Variants in CCDC150 observed in about 807,000 individuals in gnomAD.
CCDC150 encodes the protein coiled-coil domain containing 150, also known as coiled-coil domain-containing protein 150.
In CCDC150, 151 loss-of-function variants were observed where a neutral mutation model predicts 156.5. That is an observed-to-expected ratio of 0.97 (90% confidence interval 0.85 to 1.10). The LOEUF (loss-of-function observed/expected upper bound fraction) is 1.10, where lower values mean the gene tolerates loss of function less well. Ranked by LOEUF, CCDC150 falls within the 50% of genes least tolerant of loss-of-function variation. CCDC150 has a pLI of 0.00. For synonymous variants in CCDC150, 452 were observed against 429.4 expected, an observed-to-expected ratio of 1.05 and a Z score of -0.65; for missense variants, 1,312 against 1,268.1, an observed-to-expected ratio of 1.03 and a Z score of -0.53.
At chr2:196,695,766 AG>A (rs1236964304) in intron 14 of CCDC150, among the ~76,000 whole-genome samples, 4 of 150,668 alleles carry the variant, frequency 2.7e-5, no homozygotes, top group African/African-American at 9.8e-5. Flanking sequence ...AGCCAAGATC[AG>A]GCCACTGCAC....
Position 196,732,521 on chromosome 2 carries a change from C to T in CCDC150, c.3265C>T (p.Pro1089Ser), listed in dbSNP as rs772057889. 1.9e-6 allele frequency: 3 copies of T among 1,613,456 alleles called. No homozygotes were observed. The highest frequency in any genetic ancestry group is 2.5e-6 in the Non-Finnish European group (3 of 1,179,492). Residue 1089 changes from proline (P) to serine (S), a missense_variant, in exon 28 of 28, where the codon CCC becomes TCC. Transcript: ENST00000389175. ...ATGGGAGAGAAAACAGAATCTTAGG[C>T]CCATGCCCAAGAAGTATCATTCTGA... ...HRWERKQNLR[P>S]MPKKYHSEVQ...
rs1399473849 is a variant in CCDC150 at position 196,719,512 on chromosome 2, C to T, written c.2011C>T (p.Arg671Ter). Residue 671 changes from arginine (R) to a stop codon, truncating the protein, a stop_gained, in exon 19 of 28, where the codon CGA (arginine) becomes TGA (stop). Transcript: ENST00000389175. LOFTEE classifies it high-confidence loss of function. ...TTTCTGTTAGGTGGGAAACTTTCAG[C>T]GACAATTGGCAGAAGCTAAAGAAGA... ...RENKKVGNFQ[R>*]QLAEAKEDNC... 4.4e-6 allele frequency: 7 copies of T among 1,608,900 alleles called. No individual in the cohort carries two copies. Among genetic ancestry groups the T allele is most frequent in the African/African-American group, 2.7e-5 (2 of 74,562 alleles).
intron 5 of CCDC150, 150 bp downstream of exon 5, chr2:196,659,010 G>T: frequency 1.7e-6 from 1 of 604,042 alleles, no homozygotes. Context: ...GAATTCAAGT[G>T]AAAGTGCCTG....
chr2:196,702,336 T>C (rs1235224592), intron 15 of CCDC150, among the ~76,000 whole-genome samples: 1 of 128,232 alleles, frequency 7.8e-6, no homozygotes, highest in Admixed American at 8.6e-5. Flanking sequence ...GTTCCTTGAC[T>C]GAAGTGCTGT....
chr2:196,645,773 G>A (rs1028073863), intron 1 of CCDC150, among the ~76,000 whole-genome samples: 4 of 152,284 alleles, frequency 2.6e-5, no homozygotes, highest in African/African-American at 9.6e-5. Context: ...TTAAAATGCT[G>A]CTTCAATGCA....
At chr2:196,731,563 T>C (rs1244439609) in intron 26 of CCDC150, among the ~76,000 whole-genome samples, 1 of 151,416 alleles carries the variant, frequency 6.6e-6, no homozygotes, top group African/African-American at 2.4e-5. Flanking sequence ...CCAGCTAATT[T>C]TTGGTAGAGA....
chr2:196,679,670 T>C (rs1030331488), intron 13 of CCDC150, among the ~76,000 whole-genome samples: 1 of 152,248 alleles, frequency 6.6e-6, no homozygotes, highest in African/African-American at 2.4e-5. Context: ...AAATGTATGT[T>C]TAGCATAATA....
At chr2:196,702,619 C>T (rs1198581131) in intron 15 of CCDC150, among the ~76,000 whole-genome samples, 1 of 151,810 alleles carries the variant, frequency 6.6e-6, no homozygotes, top group Non-Finnish European at 1.5e-5. Flanking sequence ...AATCTGCCTG[C>T]CTTGGCCACC....
At chr2:196,726,149 G>A (rs752792329) in intron 22 of CCDC150, 50 bp downstream of exon 22, 1 of 1,599,528 alleles carries the variant, frequency 6.3e-7, no homozygotes, top group Non-Finnish European at 8.5e-7. Context: ...CTTAGGATAA[G>A]CAGCTCAAGG....
At chr2:196,670,652 C>T (rs1054274545) in intron 8 of CCDC150, among the ~76,000 whole-genome samples, 1 of 150,828 alleles carries the variant, frequency 6.6e-6, no homozygotes, top group African/African-American at 2.4e-5. Flanking sequence ...TTTAAAAGAT[C>T]CTTGAATGTG....
chr2:196,720,427 A>G (rs893915131), intron 19 of CCDC150, 148 bp from the exon 20 acceptor site: 1 of 618,398 alleles, frequency 1.6e-6, no homozygotes, highest in Non-Finnish European at 2.8e-6. Flanking sequence ...TAAAGGCAAT[A>G]TATTTTGTAC....
At chr2:196,646,544 T>C in intron 2 of CCDC150, 40 bp downstream of exon 2, 1 of 1,532,120 alleles carries the variant, frequency 6.5e-7, no homozygotes, top group Non-Finnish European at 9.0e-7. Context: ...TTGAAGAATT[T>C]TGCTTCACTG....
intron 16 of CCDC150, 147 bp downstream of exon 16, chr2:196,712,399 C>T: frequency 5.2e-6 from 3 of 572,136 alleles, no homozygotes; most frequent in Non-Finnish European, 9.3e-6. Context: ...TTTTCAAGCA[C>T]CTAGTACATA....
intron 15 of CCDC150, among the ~76,000 whole-genome samples, chr2:196,710,042 A>G (rs1696987724): frequency 6.6e-6 from 1 of 152,248 alleles, no homozygotes; most frequent in South Asian, 2.1e-4. Context: ...TGCTCTCTTC[A>G]GAGCTGTCAG....
intron 11 of CCDC150, 67 bp downstream of exon 11, chr2:196,676,334 C>A: frequency 6.4e-7 from 1 of 1,557,004 alleles, no homozygotes; most frequent in South Asian, 1.2e-5. Flanking sequence ...TATCATGTGT[C>A]CGTCTCAGTC....
chr2:196,684,767 T>A (rs1695032287), intron 13 of CCDC150, among the ~76,000 whole-genome samples: 1 of 152,162 alleles, frequency 6.6e-6, no homozygotes, highest in Non-Finnish European at 1.5e-5. Flanking sequence ...TACATCTTCT[T>A]GATGAGTAAA....
At chr2:196,650,486 C>T (rs548128043) in intron 2 of CCDC150, among the ~76,000 whole-genome samples, 8 of 152,204 alleles carry the variant, frequency 5.3e-5, no homozygotes, top group South Asian at 2.1e-4. Context: ...CTCTGCCTCC[C>T]GGGTTCAAGT....
chr2:196,729,388 G>C lies in CCDC150; in HGVS notation c.2751+1G>C. 3 of 1,612,122 alleles carry C rather than the reference G, an allele frequency of 1.9e-6. No individual in the cohort carries two copies. The highest frequency in any genetic ancestry group is 2.5e-6 in the Non-Finnish European group (3 of 1,178,332). ...TGCTCAGAATATAGAAAGGATGAAG[G>C]TTGTATGGGAAACCTCTTCTCACTT... On this transcript the variant is annotated splice_donor_variant, in intron 23 of 27. Transcript: ENST00000389175. LOFTEE classifies it high-confidence loss of function.
chr2:196,650,584 G>A (rs1411821538), intron 2 of CCDC150, among the ~76,000 whole-genome samples: 1 of 152,154 alleles, frequency 6.6e-6, no homozygotes, highest in Non-Finnish European at 1.5e-5. Context: ...AATAAAGACA[G>A]GGTTTCACCA....
Sources: allele counts gnomAD v4.1 joint callset (sites outside exome capture counted in the v4.1 genomes callset), GRCh38; gene constraint gnomAD v4.1.1; transcripts MANE v1.5; gene names NCBI Gene and HGNC (gene_info 2026-07-23, HGNC 2026-07-21).